The following RALA variants were observed in gnomAD, a reference collection of about 807,000 sequenced individuals.
The protein encoded by RALA is ras-related protein Ral-A.
A neutral mutation model predicts 24.0 loss-of-function variants in RALA; 5 were observed. The ratio of observed to expected loss-of-function variants is 0.21; its 90% confidence interval spans 0.11 to 0.44. The LOEUF (loss-of-function observed/expected upper bound fraction) is 0.44, where lower values mean the gene tolerates loss of function less well. RALA is among the 20% of genes least tolerant of loss of function. The probability of loss-of-function intolerance (pLI) is 0.99; values close to 1 mark genes in which losing one functional copy is unlikely to be tolerated. For synonymous variants in RALA, 77 were observed against 83.8 expected (o/e 0.92, Z 0.44); for missense variants, 95 against 241.2 (o/e 0.39, Z 4.01).
intron 3 of RALA, among the ~76,000 whole-genome samples, chr7:39,694,719 A>T (rs899832917): frequency 6.6e-6 from 1 of 152,022 alleles, no homozygotes; most frequent in Non-Finnish European, 1.5e-5. Context: ...TAAGGCAAGA[A>T]GATTTTTCCC....
intron 1 of RALA, among the ~76,000 whole-genome samples, chr7:39,664,149 C>T (rs1034032992): frequency 1.1e-4 from 16 of 152,128 alleles, no homozygotes; most frequent in Non-Finnish European, 1.6e-4. Context: ...GGAAGAAAAG[C>T]AAGCACCAGG....
chr7:39,655,526 A>C (rs1014631297), intron 1 of RALA, among the ~76,000 whole-genome samples: 8 of 152,224 alleles, frequency 5.3e-5, no homozygotes, highest in Admixed American at 5.2e-4. Flanking sequence ...TCTAAAATTT[A>C]TATAGAATAA....
At chr7:39,637,284 A>T (rs1791698229) in intron 1 of RALA, among the ~76,000 whole-genome samples, 1 of 151,962 alleles carries the variant, frequency 6.6e-6, no homozygotes, top group South Asian at 2.1e-4. Flanking sequence ...AGTGTGACTA[A>T]TTTTTTTTAA....
At chr7:39,647,171 T>C (rs1413617486) in intron 1 of RALA, among the ~76,000 whole-genome samples, 1 of 152,160 alleles carries the variant, frequency 6.6e-6, no homozygotes, top group Non-Finnish European at 1.5e-5. Context: ...GCCTCCCAAG[T>C]AGCTAGGACT....
chr7:39,686,853 T>C (rs1339254936), intron 2 of RALA, 72 bp downstream of exon 2: 1 of 1,145,600 alleles, frequency 8.7e-7, no homozygotes, highest in Non-Finnish European at 1.3e-6. Context: ...GTTTTGGTGC[T>C]ATTTTGTATG....
At chr7:39,682,305 TTGC>T (rs143125070) in intron 1 of RALA, among the ~76,000 whole-genome samples, 21 of 151,272 alleles carry the variant, frequency 1.4e-4, no homozygotes, top group East Asian at 5.8e-4. Context: ...GGTAATACCA[TTGC>T]TGCTGCTGCT....
chr7:39,666,975 T>A (rs1191022592), intron 1 of RALA, among the ~76,000 whole-genome samples: 2 of 152,150 alleles, frequency 1.3e-5, no homozygotes, highest in African/African-American at 4.8e-5. Flanking sequence ...GGGAAAAAAA[T>A]CACTTCAATC....
chr7:39,682,972 G>A (rs1792633390), intron 1 of RALA, among the ~76,000 whole-genome samples: 1 of 152,138 alleles, frequency 6.6e-6, no homozygotes, highest in African/African-American at 2.4e-5. Context: ...AAATTCATAT[G>A]TTGATTGGCA....
intron 1 of RALA, among the ~76,000 whole-genome samples, chr7:39,656,984 T>C (rs1457551813): frequency 2.6e-5 from 4 of 152,214 alleles, no homozygotes; most frequent in Non-Finnish European, 1.5e-5. Context: ...TGTTTTGTTT[T>C]TGAGACGGAG....
At chr7:39,678,651 A>C (rs1792530996) in intron 1 of RALA, among the ~76,000 whole-genome samples, 1 of 152,188 alleles carries the variant, frequency 6.6e-6, no homozygotes, top group Non-Finnish European at 1.5e-5. Context: ...TTTGGAATTC[A>C]AGGACCCCTG....
At chr7:39,677,474 T>C (rs1792507522) in intron 1 of RALA, among the ~76,000 whole-genome samples, 1 of 113,110 alleles carries the variant, frequency 8.8e-6, no homozygotes, top group Non-Finnish European at 1.8e-5. Context: ...TTTGGGTTGG[T>C]TCCAAGTCTT....
chr7:39,634,220 G>A (rs1432789041), intron 1 of RALA, among the ~76,000 whole-genome samples: 14 of 152,112 alleles, frequency 9.2e-5, no homozygotes, highest in Non-Finnish European at 1.3e-4. Flanking sequence ...CCTAGGTTGA[G>A]GAGCCCTCAC....
intron 3 of RALA, among the ~76,000 whole-genome samples, chr7:39,693,428 G>A (rs1450282363): frequency 1.3e-5 from 2 of 152,018 alleles, no homozygotes; most frequent in Non-Finnish European, 2.9e-5. Flanking sequence ...TGGGGTGGGG[G>A]ACTGGGGGAG....
chr7:39,643,719 C>T lies in RALA; in HGVS notation c.-38+19894C>T, dbSNP rs529172885. On this transcript the variant is annotated intron_variant, in intron 1 of 4. Coordinates refer to ENST00000005257, the MANE Select transcript of RALA (RefSeq NM_005402.4). ...AAAAATTCAAAAATTAGCCAGGTGTCGTGGCGCACGCCTGTAATCCCAGCC... is the reference window on the plus strand; with the variant it reads ...AAAAATTCAAAAATTAGCCAGGTGTTGTGGCGCACGCCTGTAATCCCAGCC... Among the ~76,000 whole-genome samples, 12 of 152,026 alleles carry T rather than the reference C, an allele frequency of 7.9e-5. No homozygotes were observed. In the East Asian group the frequency reaches 1.2e-3, roughly 15 times the overall value.
At chr7:39,680,435 G>T (rs1792572324) in intron 1 of RALA, among the ~76,000 whole-genome samples, 1 of 151,064 alleles carries the variant, frequency 6.6e-6, no homozygotes, top group Middle Eastern at 3.2e-3. Flanking sequence ...AACTAGCTGA[G>T]CATGGTGGTT....
intron 1 of RALA, among the ~76,000 whole-genome samples, chr7:39,645,373 T>G (rs1791907354): frequency 6.6e-6 from 1 of 152,138 alleles, no homozygotes; most frequent in Non-Finnish European, 1.5e-5. Flanking sequence ...TATGAAAATA[T>G]TTTGAGATGA....
intron 1 of RALA, among the ~76,000 whole-genome samples, chr7:39,630,730 A>G (rs1271194580): frequency 6.6e-6 from 1 of 152,094 alleles, no homozygotes; most frequent in East Asian, 1.9e-4. Context: ...CCAAGTGGCT[A>G]TCCAGTTGCC....
chr7:39,687,128 T>C (rs960736681), intron 2 of RALA, among the ~76,000 whole-genome samples: 3 of 152,144 alleles, frequency 2.0e-5, no homozygotes, highest in Non-Finnish European at 2.9e-5. Context: ...GGTTAACATA[T>C]ATAAAATATC....
chr7:39,706,267 T>A lies in RALA; in HGVS notation c.*22T>A, dbSNP rs1793118814. 3.1e-6 allele frequency: 5 copies of A among 1,591,470 alleles called. No individual in the cohort carries two copies. In the South Asian group the frequency reaches 5.8e-5, roughly 18 times the overall value. On this transcript the variant is annotated 3_prime_UTR_variant, in exon 5 of 5. Transcript: ENST00000005257. ...ATAATCAAAGCCCAAACTCCTTTCT[T>A]ATCTTGACCATACTAATAAATATAA...
Sources: allele counts gnomAD v4.1 joint callset (sites outside exome capture counted in the v4.1 genomes callset), GRCh38; gene constraint gnomAD v4.1.1; transcripts MANE v1.5; gene names NCBI Gene and HGNC (gene_info 2026-07-23, HGNC 2026-07-21).